STRBP: variants seen among roughly 807,000 people sequenced by gnomAD.
STRBP encodes the protein spermatid perinuclear RNA binding protein, also known as spermatid perinuclear RNA-binding protein.
A neutral mutation model predicts 80.1 loss-of-function variants in STRBP; 13 were observed. That is an observed-to-expected ratio of 0.16 (90% CI 0.11 to 0.26). The LOEUF (loss-of-function observed/expected upper bound fraction) is 0.26, where lower values mean the gene tolerates loss of function less well. Ranked by LOEUF, STRBP falls within the 10% of genes least tolerant of loss-of-function variation. The pLI, the probability that STRBP is intolerant of heterozygous loss-of-function variation, is 1.00. For synonymous variants in STRBP, 284 were observed against 291.2 expected (o/e 0.98, Z 0.25); for missense variants, 485 against 815.2 (o/e 0.59, Z 4.93).
At position 123,210,849 on chromosome 9, in the gene STRBP, C is replaced by T. The variant is rs531149877; in HGVS notation, c.-165+25981G>A. 2.6e-5 allele frequency among the ~76,000 whole-genome samples: 4 copies of T among 151,880 alleles called. No individual in the cohort carries two copies. In the East Asian group the frequency reaches 7.7e-4, roughly 29 times the overall value. On this transcript the variant is annotated intron_variant, in intron 2 of 18. Coordinates refer to ENST00000348403, the MANE Select transcript of STRBP (RefSeq NM_018387.5). ...GTTTCAAAAAAAAAAAAAGATCAAC[C>T]AAATGCAATAAAAATGAAATACCAT...
At chr9:123,111,778 A>C (rs889366734) in intron 3 of STRBP, 2 of 356,110 alleles carry the variant, frequency 5.6e-6, no homozygotes, top group Non-Finnish European at 1.1e-5. Context: ...AGACAATGCA[A>C]GAAGTGTTCC....
intron 2 of STRBP, among the ~76,000 whole-genome samples, chr9:123,216,368 C>T (rs1017381820): frequency 3.9e-5 from 6 of 152,122 alleles, no homozygotes; most frequent in Admixed American, 3.3e-4. Context: ...AGTTGTCAAG[C>T]GAATAATCAA....
rs376443888 is a variant in STRBP at position 123,184,071 on chromosome 9, C to T, written c.3+61G>A. 9.1e-5 allele frequency: 141 copies of T among 1,550,766 alleles called. No homozygotes were observed. The African/African-American group carries it at 1.8e-3, about 20-fold the overall frequency. On this transcript the variant is annotated intron_variant, in intron 3 of 18. Transcript: ENST00000348403. The stretch of plus-strand genomic sequence containing the variant: ...TCATTTGCCCTCACTGTTAACATTT[C>T]TAATTTTAAATTACTGGAGTCTTTT...
intron 18 of STRBP, 76 bp from the exon 19 acceptor site, chr9:123,125,749 T>A: frequency 8.5e-7 from 1 of 1,179,802 alleles, no homozygotes; most frequent in Non-Finnish European, 1.2e-6. Flanking sequence ...AAAAAATATC[T>A]GACAGTAATT....
intron 2 of STRBP, among the ~76,000 whole-genome samples, chr9:123,222,606 C>G (rs891368080): frequency 6.6e-6 from 1 of 152,128 alleles, no homozygotes; most frequent in Non-Finnish European, 1.5e-5. Context: ...GTACTATGAA[C>G]AATTCTACGG....
chr9:123,109,854 CAA>C (rs1252625484), intron 3 of STRBP: 1 of 152,198 alleles, frequency 6.6e-6, no homozygotes, highest in Non-Finnish European at 1.5e-5. Context: ...ACATAATACA[CAA>C]AGTTATTGCC....
chr9:123,193,680 C>T (rs2039001318), intron 2 of STRBP, among the ~76,000 whole-genome samples: 1 of 152,090 alleles, frequency 6.6e-6, no homozygotes, highest in South Asian at 2.1e-4. Flanking sequence ...GACCTACAAT[C>T]GCTAATGCTA....
chr9:123,223,730 T>TA (rs772181805), intron 2 of STRBP, among the ~76,000 whole-genome samples: 4 of 152,152 alleles, frequency 2.6e-5, no homozygotes, highest in African/African-American at 2.4e-5. Context: ...AATTTTTTTT[T>TA]ATGAACCTCT....
Position 123,123,782 on chromosome 9 carries a change from G to A in STRBP, c.*1815C>T. 3 of 985,392 alleles carry A rather than the reference G, an allele frequency of 3.0e-6. No homozygotes were observed. The highest frequency in any genetic ancestry group is 3.6e-6 in the Non-Finnish European group (3 of 829,922). 61.0% of individuals were successfully genotyped at this position (985,392 alleles called of 1,614,324 possible). A position where few individuals can be genotyped will look rare whatever the true frequency, so the allele number is the denominator to read the frequency against. On this transcript the variant is annotated 3_prime_UTR_variant, in exon 19 of 19. Coordinates refer to ENST00000348403, the MANE Select transcript of STRBP (RefSeq NM_018387.5). The stretch of plus-strand genomic sequence containing the variant: ...TATTCCAAAGACAATGAGGACTACT[G>A]TAAAGATTTAATTAATAAAAACTGG...
intron 2 of STRBP, among the ~76,000 whole-genome samples, chr9:123,207,376 A>T (rs803728): frequency 0.76 from 115,026 of 152,110 alleles, 44,890 homozygotes; most frequent in East Asian, 0.98. Context: ...TCAAAAACAA[A>T]GTTGGAGGAA....
chr9:123,229,590 T>A (rs906886054), intron 2 of STRBP, among the ~76,000 whole-genome samples: 1 of 152,192 alleles, frequency 6.6e-6, no homozygotes, highest in African/African-American at 2.4e-5. Context: ...CAGGGCAATA[T>A]CCTTGAGTAG....
chr9:123,161,800 G>C (rs1294203714), intron 6 of STRBP, among the ~76,000 whole-genome samples: 1 of 152,130 alleles, frequency 6.6e-6, no homozygotes, highest in Non-Finnish European at 1.5e-5. Context: ...ATTTAAAGTT[G>C]GATTAAATGG....
chr9:123,230,544 C>G (rs1440012157), intron 2 of STRBP, among the ~76,000 whole-genome samples: 1 of 152,146 alleles, frequency 6.6e-6, no homozygotes, highest in African/African-American at 2.4e-5. Context: ...AGTAAGCAAC[C>G]GTCCTTTCCG....
At chr9:123,216,275 T>C (rs998779983) in intron 2 of STRBP, among the ~76,000 whole-genome samples, 2 of 152,222 alleles carry the variant, frequency 1.3e-5, no homozygotes, top group African/African-American at 4.8e-5. Context: ...AACTACATGT[T>C]CCTAGAAGGC....
intron 6 of STRBP, among the ~76,000 whole-genome samples, chr9:123,164,546 AAGCT>A (rs1242210249): frequency 6.6e-6 from 1 of 152,182 alleles, no homozygotes; most frequent in African/African-American, 2.4e-5. Flanking sequence ...CCTTACATGC[AAGCT>A]AGCTATCTGT....
chr9:123,203,698 G>A (rs1023277232), intron 2 of STRBP, among the ~76,000 whole-genome samples: 16 of 151,868 alleles, frequency 1.1e-4, no homozygotes, highest in Admixed American at 1.3e-4. Flanking sequence ...TCGGCCAGGC[G>A]CGGTGGCTCA....
At chr9:123,151,065 C>T (rs2037037930) in intron 11 of STRBP, among the ~76,000 whole-genome samples, 1 of 152,108 alleles carries the variant, frequency 6.6e-6, no homozygotes. Context: ...TAACCAGGCA[C>T]ATGAGAAGAT....
chr9:123,227,627 G>A (rs1358818868), intron 2 of STRBP, among the ~76,000 whole-genome samples: 1 of 144,310 alleles, frequency 6.9e-6, no homozygotes, highest in Non-Finnish European at 1.5e-5. Flanking sequence ...GTGCAGTGGT[G>A]CAATCTTGGC....
At chr9:123,187,540 T>C (rs1346294870) in intron 2 of STRBP, among the ~76,000 whole-genome samples, 1 of 152,246 alleles carries the variant, frequency 6.6e-6, no homozygotes, top group African/African-American at 2.4e-5. Flanking sequence ...CAGATGTATG[T>C]AAATTTCTCT....
Sources: gnomAD v4.1 joint callset for allele counts (sites outside exome capture counted in the v4.1 genomes callset) on GRCh38, gnomAD v4.1.1 for gene constraint, MANE v1.5 for transcripts, NCBI Gene and HGNC (gene_info 2026-07-23, HGNC 2026-07-21) for gene names.